Variants in ZNF473 observed in about 807,000 individuals in gnomAD.
ZNF473 encodes the protein zinc finger protein 473.
Under a neutral mutation model 11.1 loss-of-function variants are expected in ZNF473, and 4 were observed. The observed-to-expected ratio is 0.36, with a 90% CI of 0.18 to 0.82. The LOEUF (loss-of-function observed/expected upper bound fraction) is 0.82, where lower values mean the gene tolerates loss of function less well. Among genes scored for constraint, ZNF473 ranks in the 40% least tolerant of loss-of-function variants. ZNF473 has a pLI of 0.49. For synonymous variants in ZNF473, 404 were observed against 390.4 expected, an observed-to-expected ratio of 1.03 and a Z score of -0.41; for missense variants, 854 against 1,084.0, an observed-to-expected ratio of 0.79 and a Z score of 2.98.
chr19:50,037,436 G>A (rs1399703195), intron 2 of ZNF473, among the ~76,000 whole-genome samples: 1 of 152,176 alleles, frequency 6.6e-6, no homozygotes, highest in Non-Finnish European at 1.5e-5. Context: ...AGACACATCA[G>A]TCATGGTTTC....
At chr19:50,036,115 C>T (rs1978422261) in intron 2 of ZNF473, among the ~76,000 whole-genome samples, 1 of 151,750 alleles carries the variant, frequency 6.6e-6, no homozygotes, top group South Asian at 2.1e-4. Flanking sequence ...CACTACCACG[C>T]CCAGCTAATC....
chr19:50,042,105 G>A (rs1044721715), intron 4 of ZNF473: 8 of 232,592 alleles, frequency 3.4e-5, no homozygotes, highest in East Asian at 9.6e-5. Context: ...ACAAGGGTAC[G>A]CCCTCCACTC....
Position 50,046,532 on chromosome 19 carries a change from G to A in ZNF473, c.2089G>A (p.Ala697Thr). ...NYLVQHERTH[A>T]RKKPLVCNEC... ...CCTTGTTCAGCATGAGCGAACTCAT[G>A]CCAGAAAGAAGCCGTTGGTGTGTAA... The change falls in exon 5 of 5, where the codon GCC (alanine) becomes ACC (threonine). Residue 697 changes from alanine to threonine, a missense_variant. Transcript: ENST00000270617. The surrounding 1 kb of genome is among the most constrained non-coding windows in gnomAD (Gnocchi z 5.9). 1 of 1,614,206 alleles carries A rather than the reference G, an allele frequency of 6.2e-7. No homozygotes were observed. Among genetic ancestry groups the A allele is most frequent in the Admixed American group, 1.7e-5 (1 of 60,028 alleles).
At chr19:50,031,463 T>C (rs2077317556) in intron 2 of ZNF473, among the ~76,000 whole-genome samples, 1 of 152,206 alleles carries the variant, frequency 6.6e-6, no homozygotes, top group South Asian at 2.1e-4. Context: ...TTCTGTACTT[T>C]CCAGCAGCTT....
At position 50,027,756 on chromosome 19, in the gene ZNF473, G is replaced by A. The variant is rs757302346; in HGVS notation, c.-192+1634G>A. 6.0e-4 allele frequency among the ~76,000 whole-genome samples: 91 copies of A among 151,736 alleles called. 2 individuals are homozygous for A. Among genetic ancestry groups the A allele is most frequent in the Admixed American group, 2.5e-3 (38 of 15,228 alleles). On this transcript the variant is annotated intron_variant, in intron 1 of 4. Coordinates refer to ENST00000270617, the MANE Select transcript of ZNF473 (RefSeq NM_015428.4). ...CGCTCTGTCACCCAGGCTGGAGTTC[G>A]GTCTCACTGGAACCTCCACCTCCCC...
Position 50,046,519 on chromosome 19 carries a change from TGA to T in ZNF473, c.2078_2079del (p.Glu693AlafsTer12). ...FTQRNYLVQHERTHARKKPLV... is the reference protein window; with the variant it reads ...FTQRNYLVQHXRTHARKKPLV... ...CCCAGAGAAACTACCTTGTTCAGCA[TGA>T]GCGAACTCATGCCAGAAAGAAGCCG... On this transcript the variant is annotated frameshift_variant, in exon 5 of 5. Coordinates refer to ENST00000270617, the MANE Select transcript of ZNF473 (RefSeq NM_015428.4). LOFTEE classifies it low-confidence loss of function (END_TRUNC). This position sits in a 1 kb window ranked among gnomAD's most constrained non-coding sequence, Gnocchi z 5.9. 6.2e-7 allele frequency: 1 copy of T among 1,614,248 alleles called. No individual in the cohort carries two copies. The highest frequency in any genetic ancestry group is 8.5e-7 in the Non-Finnish European group (1 of 1,180,036).
chr19:50,048,165 C>T lies in ZNF473; in HGVS notation c.*1106C>T, dbSNP rs1979247664. The T allele has an allele frequency of 6.6e-6, 1 of 152,192 alleles. No individual in the cohort carries two copies. The highest frequency in any genetic ancestry group is 1.5e-5 in the Non-Finnish European group (1 of 68,034). The allele number at this position is 152,192 out of a possible 1,614,324, so 9.4% of individuals were successfully genotyped here. The stretch of plus-strand genomic sequence containing the variant: ...GTGACATCTTGAAAATGCCACATTC[C>T]CTCATGTCACAGGAAGTTCTGGGAT... On this transcript the variant is annotated 3_prime_UTR_variant, in exon 5 of 5. Transcript: ENST00000270617.
intron 1 of ZNF473, among the ~76,000 whole-genome samples, chr19:50,028,067 G>A (rs2077296703): frequency 6.6e-6 from 1 of 152,004 alleles, no homozygotes; most frequent in Admixed American, 6.5e-5. Flanking sequence ...GGAAGGCCGA[G>A]GTGGGTGGAT....
intron 1 of ZNF473, among the ~76,000 whole-genome samples, chr19:50,029,614 G>A (rs966544294): frequency 1.3e-5 from 2 of 152,218 alleles, no homozygotes; most frequent in Admixed American, 6.5e-5. Flanking sequence ...TCAGCACTCC[G>A]CAGATATGTG....
At position 50,041,839 on chromosome 19, in the gene ZNF473, C is replaced by A. The variant is rs1362613714; in HGVS notation, c.226+20C>A. The A allele has an allele frequency of 6.9e-6, 11 of 1,593,768 alleles. No individual in the cohort carries two copies. The highest frequency in any genetic ancestry group is 1.7e-5 in the Admixed American group (1 of 57,350). On this transcript the variant is annotated intron_variant, in intron 4 of 4. Coordinates refer to ENST00000270617, the MANE Select transcript of ZNF473 (RefSeq NM_015428.4). ...GCCCTGGTGAGTGGATGGAGAGGGG[C>A]CCCTTGTGTACCTTCTGTCTTCCAG...
intron 3 of ZNF473, among the ~76,000 whole-genome samples, chr19:50,040,192 G>A (rs1978693429): frequency 6.6e-6 from 1 of 152,324 alleles, no homozygotes; most frequent in East Asian, 1.9e-4. Context: ...GTCAGCAAAG[G>A]GAGGAGGTAC....
intron 2 of ZNF473, among the ~76,000 whole-genome samples, chr19:50,031,902 C>T (rs1292619339): frequency 6.6e-6 from 1 of 151,952 alleles, no homozygotes; most frequent in East Asian, 1.9e-4. Flanking sequence ...GGAAGCTTTC[C>T]CTGACCTCAA....
intron 2 of ZNF473, among the ~76,000 whole-genome samples, chr19:50,035,330 G>A (rs1283022288): frequency 1.3e-5 from 2 of 151,958 alleles, no homozygotes; most frequent in Admixed American, 1.3e-4. Context: ...CTAGTCGACG[G>A]TAGAGTTCAT....
rs138208409 is a variant in ZNF473 at position 50,046,257 on chromosome 19, G to T, written c.1814G>T (p.Arg605Leu). Reference sequence around the variant, plus strand: ...GGGAAAGCCTTTGGCCAAAGTACTCGGCTCATTCACCATCAAAGAATCCAC... The same window carrying T: ...GGGAAAGCCTTTGGCCAAAGTACTCTGCTCATTCACCATCAAAGAATCCAC... Reference protein sequence around the residue: ...QCGKAFGQSTRLIHHQRIHSR... With the variant: ...QCGKAFGQSTLLIHHQRIHSR... Residue 605 changes from arginine (R) to leucine (L), a missense_variant, in exon 5 of 5, where the codon CGG becomes CTG. By Grantham distance (102) the Arg-to-Leu change is moderately radical (BLOSUM62 -2). This residue lies in a region of ZNF473 where 668 missense variants were observed against 790.2 expected (regional missense o/e 0.85). Coordinates refer to ENST00000270617, the MANE Select transcript of ZNF473 (RefSeq NM_015428.4). This position sits in a 1 kb window ranked among gnomAD's most constrained non-coding sequence, Gnocchi z 5.9. 37 of 1,613,856 alleles carry T rather than the reference G, an allele frequency of 2.3e-5. No homozygotes were observed. The Admixed American group carries it at 6.2e-4, about 27-fold the overall frequency.
chr19:50,048,614 T>C lies in ZNF473; in HGVS notation c.*1555T>C, dbSNP rs1329083831. 1 of 152,176 alleles carries C rather than the reference T, an allele frequency of 6.6e-6. No homozygotes were observed. The highest frequency in any genetic ancestry group is 6.5e-5 in the Admixed American group (1 of 15,276). 9.4% of individuals were successfully genotyped at this position (152,176 alleles called of 1,614,324 possible). ...TTGTATACCAAAAGAGTGTACAAAG[T>C]GTTGCAGGGCTGTGACACAATAGGG... is the stretch of plus-strand genomic sequence containing the variant. On this transcript the variant is annotated 3_prime_UTR_variant, in exon 5 of 5. Transcript: ENST00000270617.
In ZNF473 at chr19:50,048,361, A is replaced by G. The variant is rs970689982; in HGVS notation, c.*1302A>G. 2 of 152,252 alleles carry G rather than the reference A, an allele frequency of 1.3e-5. No individual in the cohort carries two copies. Among genetic ancestry groups the G allele is most frequent in the East Asian group, 3.8e-4 (2 of 5,200 alleles). The allele number at this position is 152,252 out of a possible 1,614,324, so 9.4% of individuals were successfully genotyped here. ...TGGACACATACTTTGAATACCTTTCATATTTTAGGTGCTGAAAATGGTGAG... is the reference window on the plus strand; with the variant it reads ...TGGACACATACTTTGAATACCTTTCGTATTTTAGGTGCTGAAAATGGTGAG... On this transcript the variant is annotated 3_prime_UTR_variant, in exon 5 of 5. Coordinates refer to ENST00000270617, the MANE Select transcript of ZNF473 (RefSeq NM_015428.4).
intron 3 of ZNF473, chr19:50,040,606 A>G (rs1846192590): frequency 6.6e-6 from 1 of 152,318 alleles, no homozygotes; most frequent in African/African-American, 2.4e-5. Flanking sequence ...GTGAGACAGC[A>G]GCAGGGCCCA....
In ZNF473 at chr19:50,045,065, C is replaced by A. The variant is rs1392659932; in HGVS notation, c.622C>A (p.Pro208Thr). ...QQDSVQEGEK[P>T]YQCSECGKSF... is the part of the protein sequence containing the mutation. ...GGATTCTGTTCAGGAAGGGGAGAAACCATATCAATGTAGTGAATGTGGGAA... is the reference window on the plus strand; with the variant it reads ...GGATTCTGTTCAGGAAGGGGAGAAAACATATCAATGTAGTGAATGTGGGAA... The change falls in exon 5 of 5, where the codon CCA (proline) becomes ACA (threonine). Residue 208 changes from proline to threonine, a missense_variant. Transcript: ENST00000270617. 2 of 1,614,158 alleles carry A rather than the reference C, an allele frequency of 1.2e-6. No individual in the cohort carries two copies.
Position 50,039,110 on chromosome 19 carries a change from G to A in ZNF473, c.10-51G>A. The stretch of plus-strand genomic sequence containing the variant: ...GGGAGTGCCCTGAGTGAGCTGTTGG[G>A]CTCCTCCCTGACCCCAGCCTCTGAG... On this transcript the variant is annotated intron_variant, in intron 2 of 4. Coordinates refer to ENST00000270617, the MANE Select transcript of ZNF473 (RefSeq NM_015428.4). The surrounding 1 kb of genome is among the most constrained non-coding windows in gnomAD (Gnocchi z 4.8). 2.5e-6 allele frequency: 4 copies of A among 1,606,456 alleles called. No homozygotes were observed. Among genetic ancestry groups the A allele is most frequent in the Non-Finnish European group, 3.4e-6 (4 of 1,174,478 alleles).
Sources: allele counts gnomAD v4.1 joint callset (sites outside exome capture counted in the v4.1 genomes callset), GRCh38; gene constraint gnomAD v4.1.1; regional missense constraint gnomAD v4.1.1; non-coding constraint Gnocchi (gnomAD v3.1); transcripts MANE v1.5; gene names NCBI Gene and HGNC (gene_info 2026-07-23, HGNC 2026-07-21).